TBC1D2B: variants seen among roughly 807,000 people sequenced by gnomAD.
TBC1D2B encodes TBC1 domain family, member 2B.
Under a neutral mutation model 100.8 loss-of-function variants are expected in TBC1D2B, and 64 were observed. The observed-to-expected ratio is 0.64, with a 90% CI of 0.52 to 0.78. The LOEUF is 0.78. Among genes scored for constraint, TBC1D2B ranks in the 30% least tolerant of loss-of-function variants. TBC1D2B has a pLI of 0.00. For synonymous variants in TBC1D2B, 480 were observed against 479.7 expected (o/e 1.00, Z -0.01); for missense variants, 1,052 against 1,218.4 (o/e 0.86, Z 2.03).
chr15:78,003,714 T>C (rs567157989), intron 10 of TBC1D2B: 21 of 483,074 alleles, frequency 4.3e-5, no homozygotes, highest in Non-Finnish European at 6.4e-5. Context: ...AACAGCATGC[T>C]TTCCACAGGG....
rs201969250 is a variant in TBC1D2B at position 78,019,579 on chromosome 15, CT to C, written c.1471-1623del. On this transcript the variant is annotated intron_variant, in intron 6 of 12. Coordinates refer to ENST00000300584, the MANE Select transcript of TBC1D2B (RefSeq NM_144572.2). ...CTCCTTTCTACTGGTGTCTTAAAAG[CT>C]TTTTTTTTTTTAAAGAAACAAGGTT... Among the ~76,000 whole-genome samples, 1,163 of 144,296 alleles carry C rather than the reference CT, an allele frequency of 8.1e-3. 5 individuals are homozygous for C. The highest frequency in any genetic ancestry group is 0.011 in the South Asian group (50 of 4,506). 94.7% of individuals were successfully genotyped at this position (144,296 alleles called of 152,430 possible).
chr15:78,021,712 G>A (rs751616094), intron 6 of TBC1D2B, among the ~76,000 whole-genome samples: 9 of 152,186 alleles, frequency 5.9e-5, no homozygotes, highest in Non-Finnish European at 1.3e-4. Context: ...ATATGTTGGG[G>A]CCACAGGCTT....
Position 78,029,898 on chromosome 15 carries a change from A to G in TBC1D2B, c.847+109T>C, listed in dbSNP as rs1338428961. The G allele has an allele frequency of 4.8e-6, 4 of 828,006 alleles. No individual in the cohort carries two copies. The African/African-American group carries it at 5.2e-5, about 11-fold the overall frequency. The allele number at this position is 828,006 out of a possible 1,614,324, so 51.3% of individuals were successfully genotyped here. A position where few individuals can be genotyped will look rare whatever the true frequency, so the allele number is the denominator to read the frequency against. On this transcript the variant is annotated intron_variant, in intron 4 of 12. Transcript: ENST00000300584. ...TCCGACAAAGAGAATGCAAGCCCCC[A>G]TTGGTCCTTATGCTTCTCGAAATAC...
At position 78,024,545 on chromosome 15, in the gene TBC1D2B, A is replaced by G. The variant is rs1322522862; in HGVS notation, c.1087-6T>C. 4 of 1,602,588 alleles carry G rather than the reference A, an allele frequency of 2.5e-6. No individual in the cohort carries two copies. Among genetic ancestry groups the G allele is most frequent in the Non-Finnish European group, 3.4e-6 (4 of 1,173,308 alleles). Reference sequence around the variant, plus strand: ...TGGAGCAGTCGAACAAGCTCCTGGGAGCCAAAAGGAGAATGGAGTGAAGGG... The same window carrying G: ...TGGAGCAGTCGAACAAGCTCCTGGGGGCCAAAAGGAGAATGGAGTGAAGGG... On this transcript the variant is annotated splice_region_variant and splice_polypyrimidine_tract_variant and intron_variant, in intron 5 of 12. Coordinates refer to ENST00000300584, the MANE Select transcript of TBC1D2B (RefSeq NM_144572.2).
intron 10 of TBC1D2B, among the ~76,000 whole-genome samples, chr15:78,005,750 A>G (rs1282622771): frequency 1.3e-5 from 2 of 152,150 alleles, no homozygotes; most frequent in Non-Finnish European, 2.9e-5. Flanking sequence ...AATAACAGGC[A>G]ATTTTCATTT....
At chr15:78,057,717 G>A (rs895219939) in intron 1 of TBC1D2B, among the ~76,000 whole-genome samples, 1 of 152,186 alleles carries the variant, frequency 6.6e-6, no homozygotes, top group African/African-American at 2.4e-5. Context: ...AAAAGGCTGG[G>A]GGCCAGACTG....
intron 2 of TBC1D2B, among the ~76,000 whole-genome samples, chr15:78,045,527 T>G: frequency 6.6e-6 from 1 of 151,274 alleles, no homozygotes; most frequent in East Asian, 2.0e-4. Flanking sequence ...ATAAATGTAT[T>G]TGCTTGTAAA....
chr15:78,004,006 A>G (rs560049088), intron 10 of TBC1D2B, among the ~76,000 whole-genome samples: 2 of 152,318 alleles, frequency 1.3e-5, no homozygotes, highest in Non-Finnish European at 2.9e-5. Flanking sequence ...CTGAGTCTGA[A>G]TCTCAGCTCT....
At chr15:78,021,136 T>C (rs944679625) in intron 6 of TBC1D2B, among the ~76,000 whole-genome samples, 1 of 152,088 alleles carries the variant, frequency 6.6e-6, no homozygotes, top group Non-Finnish European at 1.5e-5. Context: ...TGCCTCGGAA[T>C]ACTATAGAAA....
chr15:78,060,825 G>C (rs2073528332), intron 1 of TBC1D2B, among the ~76,000 whole-genome samples: 1 of 151,984 alleles, frequency 6.6e-6, no homozygotes, highest in Non-Finnish European at 1.5e-5. Flanking sequence ...GCCGAGACAG[G>C]AGAATCGTTT....
chr15:78,012,755 T>C, intron 9 of TBC1D2B, 68 bp downstream of exon 9: 1 of 1,376,702 alleles, frequency 7.3e-7, no homozygotes, highest in Non-Finnish European at 9.4e-7. Context: ...GGGAGGGAGC[T>C]GCCAGGCAGC....
At chr15:78,050,088 G>T (rs902724602) in intron 2 of TBC1D2B, among the ~76,000 whole-genome samples, 1 of 152,100 alleles carries the variant, frequency 6.6e-6, no homozygotes, top group Non-Finnish European at 1.5e-5. Context: ...CACTGCCAAC[G>T]CGGGGCCTGC....
chr15:78,063,656 A>G (rs1394368901), intron 1 of TBC1D2B, among the ~76,000 whole-genome samples: 1 of 152,170 alleles, frequency 6.6e-6, no homozygotes, highest in African/African-American at 2.4e-5. Flanking sequence ...TCCACTCTTA[A>G]TCACAACTCT....
intron 2 of TBC1D2B, among the ~76,000 whole-genome samples, chr15:78,053,168 G>C (rs1214834779): frequency 1.3e-5 from 2 of 152,206 alleles, no homozygotes; most frequent in East Asian, 3.8e-4. Context: ...GGTGGGACAG[G>C]CAACTCGGAT....
chr15:78,005,368 T>G (rs892286186), intron 10 of TBC1D2B, among the ~76,000 whole-genome samples: 2 of 152,214 alleles, frequency 1.3e-5, no homozygotes, highest in African/African-American at 4.8e-5. Flanking sequence ...GACAAGCATG[T>G]GGACTGCAGT....
At chr15:78,052,754 T>G (rs920454684) in intron 2 of TBC1D2B, among the ~76,000 whole-genome samples, 1 of 152,250 alleles carries the variant, frequency 6.6e-6, no homozygotes, top group African/African-American at 2.4e-5. Flanking sequence ...GAACCCTGCC[T>G]GTTCCCACAG....
At chr15:78,057,761 A>C (rs2073457366) in intron 1 of TBC1D2B, among the ~76,000 whole-genome samples, 1 of 152,238 alleles carries the variant, frequency 6.6e-6, no homozygotes, top group Non-Finnish European at 1.5e-5. Context: ...GCTTTGACAG[A>C]AAAGCCCCAA....
In TBC1D2B at chr15:77,997,914, A is replaced by G. The variant is rs1282855452; in HGVS notation, c.*246T>C. ...CACTGGTAAGCCTGAGGATCCACCA[A>G]CCAGGCAGAAAGCGTGACTGAGATA... On this transcript the variant is annotated 3_prime_UTR_variant, in exon 13 of 13. Coordinates refer to ENST00000300584, the MANE Select transcript of TBC1D2B (RefSeq NM_144572.2). The G allele has an allele frequency of 2.7e-6, 1 of 369,400 alleles. No homozygotes were observed. Among genetic ancestry groups the G allele is most frequent in the African/African-American group, 2.1e-5 (1 of 47,748 alleles). 22.9% of individuals were successfully genotyped at this position (369,400 alleles called of 1,614,324 possible). A position where few individuals can be genotyped will look rare whatever the true frequency, so the allele number is the denominator to read the frequency against.
Position 78,016,404 on chromosome 15 carries a change from G to A in TBC1D2B, c.1775+142C>T, listed in dbSNP as rs539283168. The A allele has an allele frequency of 2.8e-4, 203 of 735,540 alleles. 1 individual carries two copies. Among genetic ancestry groups the A allele is most frequent in the Middle Eastern group, 1.6e-3 (4 of 2,540 alleles). The allele number at this position is 735,540 out of a possible 1,614,324, so 45.6% of individuals were successfully genotyped here. A position where few individuals can be genotyped will look rare whatever the true frequency, so the allele number is the denominator to read the frequency against. On this transcript the variant is annotated intron_variant, in intron 8 of 12. Coordinates refer to ENST00000300584, the MANE Select transcript of TBC1D2B (RefSeq NM_144572.2). ...ACTAGGGGAGAATGAAGACATTACC[G>A]TTCTGCTGACCTGACAGCATTTGTC...
Sources: allele counts gnomAD v4.1 joint callset (sites outside exome capture counted in the v4.1 genomes callset), GRCh38; gene constraint gnomAD v4.1.1; transcripts MANE v1.5; gene names NCBI Gene and HGNC (gene_info 2026-07-23, HGNC 2026-07-21).